The following ZGPAT variants were observed in gnomAD, a reference collection of about 807,000 sequenced individuals.
ZGPAT encodes zinc finger CCCH-type with G patch domain-containing protein.
ZGPAT carries 39 observed loss-of-function variants against 47.9 expected under a neutral mutation model. The ratio of observed to expected loss-of-function variants is 0.81; its 90% CI spans 0.63 to 1.06. ZGPAT has a LOEUF of 1.06. ZGPAT is among the 50% of genes least tolerant of loss of function. ZGPAT has a pLI of 0.00. For missense variants in ZGPAT, 717 were observed against 681.4 expected, an observed-to-expected ratio of 1.05 and a Z score of -0.58; for synonymous variants, 348 against 292.9, an observed-to-expected ratio of 1.19 and a Z score of -1.92.
chr20:63,721,623 G>A lies in ZGPAT; in HGVS notation c.585-11596G>A, dbSNP rs575195373. ...CTTTCCAAAGCCCTTAGACCTTCAT[G>A]TAGCTCTTTTCCCAGCCTCTTCCTT... On this transcript the variant is annotated intron_variant, in intron 2 of 6. Coordinates refer to ENST00000355969, the MANE Select transcript of ZGPAT (RefSeq NM_181485.3). 2.9e-4 allele frequency among the ~76,000 whole-genome samples: 44 copies of A among 152,252 alleles called. No individual in the cohort carries two copies. In the Middle Eastern group the frequency reaches 0.01, roughly 35 times the overall value.
At chr20:63,732,426 GATGTGTGC>G (rs1201669157) in intron 2 of ZGPAT, among the ~76,000 whole-genome samples, 1 of 146,052 alleles carries the variant, frequency 6.8e-6, no homozygotes. Context: ...GTGGGTGAGA[GATGTGTGC>G]GCATGTGTGT....
intron 2 of ZGPAT, among the ~76,000 whole-genome samples, chr20:63,717,768 C>A (rs763748828): frequency 2.1e-4 from 32 of 152,150 alleles, no homozygotes; most frequent in Admixed American, 1.6e-3. Context: ...AGAGGCCAGG[C>A]ACAGTGGCTC....
At chr20:63,732,651 TG>T (rs1316657404) in intron 2 of ZGPAT, among the ~76,000 whole-genome samples, 6 of 754 alleles carry the variant, frequency 8.0e-3, no homozygotes, top group African/African-American at 0.034. Flanking sequence ...CATGTGTTAA[TG>T]TGTGTGTACA....
At chr20:63,718,942 T>C (rs1346651696) in intron 2 of ZGPAT, among the ~76,000 whole-genome samples, 1 of 152,032 alleles carries the variant, frequency 6.6e-6, no homozygotes, top group Non-Finnish European at 1.5e-5. Context: ...GGCAGGTGCC[T>C]GTAGTCCCAG....
At chr20:63,715,529 G>A (rs1001296145) in intron 2 of ZGPAT, among the ~76,000 whole-genome samples, 10 of 152,026 alleles carry the variant, frequency 6.6e-5, no homozygotes, top group South Asian at 2.1e-4. Context: ...GTGAGCCACC[G>A]CAGCGAGCCT....
At chr20:63,721,339 G>A (rs1268812413) in intron 2 of ZGPAT, among the ~76,000 whole-genome samples, 1 of 149,928 alleles carries the variant, frequency 6.7e-6, no homozygotes, top group Non-Finnish European at 1.5e-5. Flanking sequence ...GCAACAGAGC[G>A]AGACTCTGTC....
At chr20:63,719,641 T>C (rs1466273564) in intron 2 of ZGPAT, among the ~76,000 whole-genome samples, 1 of 152,070 alleles carries the variant, frequency 6.6e-6, no homozygotes, top group African/African-American at 2.4e-5. Flanking sequence ...AATTATCACT[T>C]TACTAGTATT....
intron 2 of ZGPAT, among the ~76,000 whole-genome samples, chr20:63,718,019 G>T (rs919649798): frequency 6.6e-6 from 1 of 151,930 alleles, no homozygotes; most frequent in East Asian, 1.9e-4. Context: ...CTCCAGCCTG[G>T]GTAACAAAAG....
At chr20:63,733,158 T>C (rs1055875714) in intron 2 of ZGPAT, 61 bp from the exon 3 acceptor site, 1 of 1,587,962 alleles carries the variant, frequency 6.3e-7, no homozygotes. Context: ...TCAGTGCTCC[T>C]GGGTTGGTTT....
chr20:63,728,483 TTG>T (rs1290328737), intron 2 of ZGPAT, among the ~76,000 whole-genome samples: 1 of 152,240 alleles, frequency 6.6e-6, no homozygotes, highest in Non-Finnish European at 1.5e-5. Context: ...TCAGAGCACG[TTG>T]TGAGTTCAGC....
At chr20:63,732,101 A>G (rs71325464) in intron 2 of ZGPAT, among the ~76,000 whole-genome samples, 29,704 of 151,850 alleles carry the variant, frequency 0.2, 3,736 homozygotes, top group East Asian at 0.61. Context: ...ATGTATGTGT[A>G]TATGCATATA....
chr20:63,709,132 G>T lies in ZGPAT; in HGVS notation c.552G>T (p.Leu184=), dbSNP rs901644153. 3.7e-6 allele frequency: 6 copies of T among 1,612,450 alleles called. No individual in the cohort carries two copies. Among genetic ancestry groups the T allele is most frequent in the Non-Finnish European group, 5.1e-6 (6 of 1,180,028 alleles). The part of the protein sequence containing the change: ...HKSLKPCPFF[L]EGKCRFKENC... ...CTCTGAAGCCGTGCCCGTTCTTCCTGGAGGGAAAGTGCCGCTTTAAGGAGA... is the reference window on the plus strand; with the variant it reads ...CTCTGAAGCCGTGCCCGTTCTTCCTTGAGGGAAAGTGCCGCTTTAAGGAGA... Residue 184 remains leucine (L), a synonymous_variant, in exon 2 of 7, where the codon CTG becomes CTT. Transcript: ENST00000355969.
At chr20:63,721,841 C>T (rs1413481662) in intron 2 of ZGPAT, among the ~76,000 whole-genome samples, 1 of 152,038 alleles carries the variant, frequency 6.6e-6, no homozygotes, top group Non-Finnish European at 1.5e-5. Context: ...CATGGTGAAG[C>T]CCCGTCTCTA....
chr20:63,731,855 C>T (rs576915361), intron 2 of ZGPAT, among the ~76,000 whole-genome samples: 48 of 152,332 alleles, frequency 3.2e-4, no homozygotes, highest in Non-Finnish European at 2.9e-4. Flanking sequence ...TGTATAACAA[C>T]TATTTACATA....
rs936068504 is a variant in ZGPAT, at chr20:63,733,673, C to T, written c.805C>T (p.Leu269=). ...GGAGGGGGACGGCATCCTGCCCCCA[C>T]TGCGCACAGAGGCCACAGAGTCCGA... is the stretch of plus-strand genomic sequence containing the variant. ...VVEGDGILPP[L]RTEATESDSD... is the part of the protein sequence containing the mutation. The change falls in exon 4 of 7, where the codon CTG becomes TTG. Residue 269 remains leucine, a synonymous_variant. Transcript: ENST00000355969. 1.2e-5 allele frequency: 20 copies of T among 1,613,976 alleles called. No homozygotes were observed. Among genetic ancestry groups the T allele is most frequent in the East Asian group, 1.1e-4 (5 of 44,878 alleles).
intron 2 of ZGPAT, among the ~76,000 whole-genome samples, chr20:63,723,450 T>C (rs912772446): frequency 1.5e-4 from 21 of 138,518 alleles, no homozygotes; most frequent in South Asian, 9.7e-4. Flanking sequence ...TCCTCTGGCA[T>C]AGCTCCATCC....
intron 2 of ZGPAT, among the ~76,000 whole-genome samples, chr20:63,717,879 C>G (rs962344671): frequency 2.0e-5 from 3 of 152,060 alleles, no homozygotes; most frequent in African/African-American, 7.2e-5. Context: ...CCCATCTCTA[C>G]TAAAAATACA....
chr20:63,734,893 G>GT, intron 5 of ZGPAT, 69 bp downstream of exon 5: 2 of 1,495,150 alleles, frequency 1.3e-6, no homozygotes, highest in Admixed American at 4.8e-5. Flanking sequence ...CAGCCATCAG[G>GT]TTCCCGGGGT....
intron 2 of ZGPAT, among the ~76,000 whole-genome samples, chr20:63,732,257 GGAT>G (rs1339043837): frequency 4.0e-5 from 6 of 151,494 alleles, no homozygotes; most frequent in African/African-American, 7.3e-5. Context: ...ACGTGTGTGT[GGAT>G]GAGAGGTCGC....
Sources: allele counts gnomAD v4.1 joint callset (sites outside exome capture counted in the v4.1 genomes callset), GRCh38; gene constraint gnomAD v4.1.1; transcripts MANE v1.5; gene names NCBI Gene and HGNC (gene_info 2026-07-23, HGNC 2026-07-21).